The following PYM1 variants were observed in gnomAD, a reference collection of about 807,000 sequenced individuals.
PYM1 encodes the protein partner of Y14 and mago.
Under a neutral mutation model 20.7 loss-of-function variants are expected in PYM1, and 7 were observed. That is an observed-to-expected ratio of 0.34 (90% CI 0.19 to 0.64). The LOEUF (loss-of-function observed/expected upper bound fraction) is 0.64, where lower values mean the gene tolerates loss of function less well. Among genes scored for constraint, PYM1 ranks in the 30% least tolerant of loss-of-function variants. The pLI, the probability that PYM1 is intolerant of heterozygous loss-of-function variation, is 0.74. For missense variants in PYM1, 194 were observed against 250.0 expected (o/e 0.78, Z 1.51); for synonymous variants, 100 against 99.2 (o/e 1.01, Z -0.05).
At chr12:55,927,197 A>T in intron 1 of PYM1, 1 of 1,535,380 alleles carries the variant, frequency 6.5e-7, no homozygotes, top group Non-Finnish European at 8.8e-7. Context: ...GTAGCAAGCC[A>T]CCATCTTAGT....
At chr12:55,911,383 A>G (rs1882919950) in intron 1 of PYM1, among the ~76,000 whole-genome samples, 1 of 152,036 alleles carries the variant, frequency 6.6e-6, no homozygotes, top group Admixed American at 6.6e-5. Context: ...AAGTGCTGAG[A>G]TTATAGGTGT....
rs1592632547 is a variant in PYM1, at chr12:55,901,781, T to G, written c.*91A>C. On this transcript the variant is annotated 3_prime_UTR_variant, in exon 3 of 3. Transcript: ENST00000408946. ...GGTGGAAGTAAGCCAGTATGGGGGG[T>G]ACCCCTCCTGACTGCTGTTGCCCGT... 6.7e-7 allele frequency: 1 copy of G among 1,501,940 alleles called. No individual in the cohort carries two copies. Among genetic ancestry groups the G allele is most frequent in the Non-Finnish European group, 8.9e-7 (1 of 1,126,672 alleles). The allele number at this position is 1,501,940 out of a possible 1,614,324, so 93.0% of individuals were successfully genotyped here. A position where few individuals can be genotyped will look rare whatever the true frequency, so the allele number is the denominator to read the frequency against.
chr12:55,910,988 C>T (rs947662045), intron 1 of PYM1, among the ~76,000 whole-genome samples: 8 of 152,200 alleles, frequency 5.3e-5, no homozygotes, highest in African/African-American at 1.4e-4. Flanking sequence ...CCCTTAGAGA[C>T]AACAGATGAC....
chr12:55,911,960 TA>T (rs915246858), intron 1 of PYM1, among the ~76,000 whole-genome samples: 1 of 151,990 alleles, frequency 6.6e-6, no homozygotes, highest in Non-Finnish European at 1.5e-5. Flanking sequence ...TTTGGCAAGA[TA>T]AAAAAAGTCA....
chr12:55,914,946 TG>T (rs2136264251), intron 1 of PYM1, among the ~76,000 whole-genome samples: 1 of 152,226 alleles, frequency 6.6e-6, no homozygotes, highest in African/African-American at 2.4e-5. Context: ...CCGGGCATGG[TG>T]GCTCACACCT....
intron 1 of PYM1, among the ~76,000 whole-genome samples, chr12:55,912,993 A>G (rs181647654): frequency 2.2e-3 from 328 of 152,224 alleles, no homozygotes; most frequent in Non-Finnish European, 3.6e-3. Context: ...AGAAACTAAA[A>G]TATTCACAAA....
chr12:55,919,029 C>T (rs1883055068), intron 1 of PYM1, among the ~76,000 whole-genome samples: 3 of 151,964 alleles, frequency 2.0e-5, no homozygotes, highest in South Asian at 2.1e-4. Context: ...AAAGATTTTG[C>T]GTTTGTTTTT....
intron 1 of PYM1, among the ~76,000 whole-genome samples, chr12:55,912,073 G>GT (rs1882933224): frequency 1.3e-5 from 2 of 151,954 alleles, no homozygotes; most frequent in African/African-American, 4.8e-5. Context: ...GCAAGGCAGG[G>GT]TATAGTGGCT....
At chr12:55,912,702 C>T (rs569260976) in intron 1 of PYM1, among the ~76,000 whole-genome samples, 2 of 152,262 alleles carry the variant, frequency 1.3e-5, no homozygotes, top group African/African-American at 2.4e-5. Flanking sequence ...CAGTGGTTCA[C>T]GTATGTAATC....
chr12:55,921,980 T>G (rs1294125155), intron 1 of PYM1, among the ~76,000 whole-genome samples: 1 of 152,092 alleles, frequency 6.6e-6, no homozygotes, highest in Non-Finnish European at 1.5e-5. Flanking sequence ...TGGCTCAATC[T>G]TCCCCTCTGA....
At chr12:55,903,858 A>T (rs1487730018) in intron 1 of PYM1, among the ~76,000 whole-genome samples, 2 of 152,320 alleles carry the variant, frequency 1.3e-5, no homozygotes, top group East Asian at 3.9e-4. Flanking sequence ...TGTAAAGGAG[A>T]AATTTTATTT....
At chr12:55,916,741 T>G (rs1300208147) in intron 1 of PYM1, among the ~76,000 whole-genome samples, 9 of 152,038 alleles carry the variant, frequency 5.9e-5, no homozygotes, top group Non-Finnish European at 1.3e-4. Flanking sequence ...GATGTTGCGG[T>G]GAGCCGAGGT....
intron 2 of PYM1, 43 bp downstream of exon 2, chr12:55,903,344 G>A: frequency 1.9e-6 from 3 of 1,562,160 alleles, no homozygotes; most frequent in Non-Finnish European, 2.6e-6. Context: ...TCCTTCTGTA[G>A]GGACCCCATC....
intron 1 of PYM1, among the ~76,000 whole-genome samples, chr12:55,918,502 G>A (rs559368864): frequency 1.3e-5 from 2 of 152,320 alleles, no homozygotes; most frequent in South Asian, 4.1e-4. Flanking sequence ...GGAGGCTGAC[G>A]TAGGAGGATC....
chr12:55,910,356 CT>C (rs1389396910), intron 1 of PYM1, among the ~76,000 whole-genome samples: 1 of 151,868 alleles, frequency 6.6e-6, no homozygotes, highest in African/African-American at 2.4e-5. Flanking sequence ...TCCCGGCTCA[CT>C]GCAATCTCCG....
intron 1 of PYM1, 24 bp from the exon 2 acceptor site, chr12:55,903,504 A>C (rs553720007): frequency 4.4e-6 from 7 of 1,607,396 alleles, no homozygotes; most frequent in Non-Finnish European, 6.0e-6. Context: ...AATCAAGTTG[A>C]AAATTACTCT....
In PYM1 at chr12:55,901,746, G is replaced by C. The variant is rs376582144; in HGVS notation, c.*126C>G. ...CGCTAGGCTCTGGAGGACAGAGCTG[G>C]GCCGCAGGAGGTGGAAGTAAGCCAG... On this transcript the variant is annotated 3_prime_UTR_variant, in exon 3 of 3. Transcript: ENST00000408946. 19 of 1,292,330 alleles carry C rather than the reference G, an allele frequency of 1.5e-5. No homozygotes were observed. In the African/African-American group the frequency reaches 3.2e-4, roughly 22 times the overall value. 80.1% of individuals were successfully genotyped at this position (1,292,330 alleles called of 1,614,324 possible).
At chr12:55,927,462 G>C in intron 1 of PYM1, 2 of 694,404 alleles carry the variant, frequency 2.9e-6, no homozygotes, top group Non-Finnish European at 2.6e-6. Context: ...CACCCAAAAA[G>C]GGGGCCTTAT....
At chr12:55,923,921 C>A (rs1392426452) in intron 1 of PYM1, among the ~76,000 whole-genome samples, 2 of 151,760 alleles carry the variant, frequency 1.3e-5, no homozygotes, top group Non-Finnish European at 2.9e-5. Flanking sequence ...ACTAACAATA[C>A]AAAAATTAGC....
Sources: gnomAD v4.1 joint callset for allele counts (sites outside exome capture counted in the v4.1 genomes callset) on GRCh38, gnomAD v4.1.1 for gene constraint, MANE v1.5 for transcripts, NCBI Gene and HGNC (gene_info 2026-07-23, HGNC 2026-07-21) for gene names.